DAB1: variants seen among roughly 807,000 people sequenced by gnomAD.
The protein encoded by DAB1 is DAB adaptor protein 1.
Under a neutral mutation model 64.6 loss-of-function variants are expected in DAB1, and 15 were observed. The ratio of observed to expected loss-of-function variants is 0.23; its 90% CI spans 0.16 to 0.36. The LOEUF (loss-of-function observed/expected upper bound fraction) is 0.36, where lower values mean the gene tolerates loss of function less well. DAB1 is among the 10% of genes least tolerant of loss of function. The probability of loss-of-function intolerance (pLI) is 1.00; values close to 1 mark genes in which losing one functional copy is unlikely to be tolerated. For synonymous variants in DAB1, 235 were observed against 251.9 expected (o/e 0.93, Z 0.64); for missense variants, 596 against 706.7 (o/e 0.84, Z 1.78).
At chr1:58,198,858 C>G (rs1440328007) in intron 4 of DAB1, among the ~76,000 whole-genome samples, 1 of 152,094 alleles carries the variant, frequency 6.6e-6, no homozygotes, top group Non-Finnish European at 1.5e-5. Context: ...ATCTGTAATC[C>G]CAGCACTTTG....
At chr1:57,404,455 G>C (rs1242311023) in intron 1 of DAB1, among the ~76,000 whole-genome samples, 2 of 152,160 alleles carry the variant, frequency 1.3e-5, no homozygotes, top group Non-Finnish European at 2.9e-5. Flanking sequence ...GACTTGGCAA[G>C]ATTAAGTGAA....
chr1:57,576,224 T>C (rs1645248436), intron 7 of DAB1, among the ~76,000 whole-genome samples: 1 of 152,214 alleles, frequency 6.6e-6, no homozygotes, highest in Non-Finnish European at 1.5e-5. Flanking sequence ...TAATGTAATG[T>C]TCTGAGCACA....
chr1:58,536,746 A>C (rs1646522547), intron 1 of DAB1: 2 of 867,252 alleles, frequency 2.3e-6, no homozygotes, highest in Non-Finnish European at 4.0e-6. Context: ...ATGCCCCTAA[A>C]GCAAAAAGAA....
At chr1:58,096,690 A>C (rs1557648556) in intron 5 of DAB1, among the ~76,000 whole-genome samples, 1 of 152,232 alleles carries the variant, frequency 6.6e-6, no homozygotes, top group Non-Finnish European at 1.5e-5. Flanking sequence ...AACTAAGAAG[A>C]AAGTGTGGTT....
At chr1:57,182,047 A>C (rs1663009657) in intron 2 of DAB1, among the ~76,000 whole-genome samples, 1 of 151,914 alleles carries the variant, frequency 6.6e-6, no homozygotes. Context: ...CACCACGCCC[A>C]GCTGATTTTT....
intron 7 of DAB1, among the ~76,000 whole-genome samples, chr1:57,575,839 G>C (rs1645243173): frequency 1.3e-5 from 2 of 152,310 alleles, no homozygotes; most frequent in South Asian, 2.1e-4. Context: ...ACAATGAACA[G>C]AGTCTCTGCT....
At chr1:58,152,464 A>G (rs1454545616) in intron 4 of DAB1, among the ~76,000 whole-genome samples, 1 of 152,202 alleles carries the variant, frequency 6.6e-6, no homozygotes, top group Non-Finnish European at 1.5e-5. Flanking sequence ...CACATCAGGC[A>G]CAAGCCTTCC....
chr1:57,404,287 G>T (rs113390296), intron 1 of DAB1, among the ~76,000 whole-genome samples: 3 of 152,046 alleles, frequency 2.0e-5, no homozygotes, highest in Admixed American at 6.6e-5. Context: ...AGTAAAACAC[G>T]TCTAGCAAAA....
At chr1:57,908,379 C>T (rs1443566667) in intron 5 of DAB1, among the ~76,000 whole-genome samples, 1 of 152,132 alleles carries the variant, frequency 6.6e-6, no homozygotes. Context: ...AGCAGCCCAA[C>T]AGCCGATTTA....
Position 58,290,322 on chromosome 1 carries a change from G to A in DAB1, n.309+53030C>T, listed in dbSNP as rs141097827. Among the ~76,000 whole-genome samples, 243 of 152,248 alleles carry A rather than the reference G, an allele frequency of 1.6e-3. 1 individual carries two copies. Among genetic ancestry groups the A allele is most frequent in the African/African-American group, 5.3e-3 (221 of 41,552 alleles). ...TTGATCTGAATTGTGAGCAAGGTGTGGGTATTGGAATGTCAGAGAAGGATT... is the reference window on the plus strand; with the variant it reads ...TTGATCTGAATTGTGAGCAAGGTGTAGGTATTGGAATGTCAGAGAAGGATT... On this transcript the variant is annotated intron_variant and non_coding_transcript_variant, in intron 4 of 20. Transcript: ENST00000485760.
intron 4 of DAB1, among the ~76,000 whole-genome samples, chr1:58,273,440 A>T (rs1267426843): frequency 1.0e-4 from 3 of 29,978 alleles, no homozygotes; most frequent in African/African-American, 3.0e-4. Context: ...GCTGCCCTTA[A>T]CATTTTTTCC....
intron 5 of DAB1, among the ~76,000 whole-genome samples, chr1:58,128,449 A>G (rs1245268890): frequency 7.6e-6 from 1 of 132,380 alleles, no homozygotes; most frequent in African/African-American, 3.0e-5. Flanking sequence ...AATACCCTTT[A>G]TTTCCTTCTG....
At chr1:58,059,168 T>A (rs1648332833) in intron 5 of DAB1, among the ~76,000 whole-genome samples, 1 of 152,170 alleles carries the variant, frequency 6.6e-6, no homozygotes, top group Admixed American at 6.5e-5. Context: ...TCCTTTTGCC[T>A]CCCTGGGCTG....
intron 3 of DAB1, among the ~76,000 whole-genome samples, chr1:58,390,355 T>C (rs1644466256): frequency 6.6e-6 from 1 of 152,018 alleles, no homozygotes; most frequent in Admixed American, 6.5e-5. Context: ...GGGCCCTGCA[T>C]TGGTTTCACT....
intron 7 of DAB1, among the ~76,000 whole-genome samples, chr1:57,494,411 G>T (rs951970885): frequency 2.0e-5 from 3 of 152,174 alleles, no homozygotes; most frequent in Non-Finnish European, 4.4e-5. Flanking sequence ...GACATTTAAA[G>T]AATCCCCAGC....
intron 4 of DAB1, among the ~76,000 whole-genome samples, chr1:58,223,475 G>T (rs1659287214): frequency 6.6e-6 from 1 of 152,214 alleles, no homozygotes; most frequent in African/African-American, 2.4e-5. Flanking sequence ...CTTAAAGAAG[G>T]TGACGTTCCA....
At chr1:57,458,696 T>C (rs913736246) in intron 7 of DAB1, among the ~76,000 whole-genome samples, 1 of 152,114 alleles carries the variant, frequency 6.6e-6, no homozygotes, top group Non-Finnish European at 1.5e-5. Flanking sequence ...AATATAAATA[T>C]CTAACAGAGT....
chr1:57,133,000 A>T (rs1307283503), intron 4 of DAB1, among the ~76,000 whole-genome samples: 1 of 152,170 alleles, frequency 6.6e-6, no homozygotes, highest in Non-Finnish European at 1.5e-5. Context: ...AAGCTCTGCC[A>T]TTTGTTAGCT....
chr1:58,092,988 T>C (rs2100615421), intron 5 of DAB1, among the ~76,000 whole-genome samples: 1 of 152,322 alleles, frequency 6.6e-6, no homozygotes, highest in East Asian at 1.9e-4. Flanking sequence ...TTTAAATATT[T>C]TAATGGTTCA....
Sources: allele counts gnomAD v4.1 joint callset (sites outside exome capture counted in the v4.1 genomes callset), GRCh38; gene constraint gnomAD v4.1.1; transcripts MANE v1.5; gene names NCBI Gene and HGNC (gene_info 2026-07-23, HGNC 2026-07-21).